RUNDC3B: variants seen among roughly 807,000 people sequenced by gnomAD.
RUNDC3B encodes RUN domain-containing protein 3B.
In RUNDC3B, 33 loss-of-function variants were observed where a neutral mutation model predicts 58.4. The observed-to-expected ratio is 0.56, with a 90% confidence interval of 0.43 to 0.75. The LOEUF is 0.75. Among genes scored for constraint, RUNDC3B ranks in the 30% least tolerant of loss-of-function variants. RUNDC3B has a pLI of 0.00. For synonymous variants in RUNDC3B, 193 were observed against 195.2 expected (o/e 0.99, Z 0.10); for missense variants, 501 against 535.7 (o/e 0.94, Z 0.64).
At chr7:87,786,074 TCAAA>T (rs1458635629) in intron 8 of RUNDC3B, among the ~76,000 whole-genome samples, 4 of 152,168 alleles carry the variant, frequency 2.6e-5, no homozygotes, top group Non-Finnish European at 5.9e-5. Flanking sequence ...GTGTTTTCTC[TCAAA>T]CAATCTGTTT....
At chr7:87,821,802 A>G (rs1837457851) in intron 10 of RUNDC3B, among the ~76,000 whole-genome samples, 2 of 152,342 alleles carry the variant, frequency 1.3e-5, no homozygotes, top group South Asian at 4.1e-4. Context: ...AGGATTCCCT[A>G]TTTAATAAAT....
rs1830740829 is a variant in RUNDC3B at position 87,719,471 on chromosome 7, G to T, written c.458+8816G>T. On this transcript the variant is annotated intron_variant, in intron 4 of 10. Transcript: ENST00000394654. ...ATAAACATATAAAAGTATACAAAAT[G>T]TACAAAAATACACAAGTAAATATAC... Among the ~76,000 whole-genome samples, 5 of 151,458 alleles carry T rather than the reference G, an allele frequency of 3.3e-5. No individual in the cohort carries two copies. The South Asian group carries it at 1.0e-3, about 32-fold the overall frequency.
intron 10 of RUNDC3B, among the ~76,000 whole-genome samples, chr7:87,829,383 T>C (rs1418201030): frequency 6.6e-6 from 1 of 152,088 alleles, no homozygotes; most frequent in African/African-American, 2.4e-5. Flanking sequence ...TCATAAATTC[T>C]TTTCCTTATG....
chr7:87,668,891 C>T (rs1189429696), intron 2 of RUNDC3B, among the ~76,000 whole-genome samples: 2 of 151,982 alleles, frequency 1.3e-5, no homozygotes, highest in African/African-American at 4.8e-5. Context: ...TTGTTTTATT[C>T]CAATTATTTG....
intron 9 of RUNDC3B, among the ~76,000 whole-genome samples, chr7:87,814,784 CTATAAGCATT>C (rs1295896511): frequency 6.6e-6 from 1 of 152,042 alleles, no homozygotes; most frequent in Non-Finnish European, 1.5e-5. Context: ...GACTTTAATA[CTATAAGCATT>C]TAAAAGTCAT....
chr7:87,773,269 G>A (rs559944781), intron 7 of RUNDC3B, among the ~76,000 whole-genome samples: 5 of 149,888 alleles, frequency 3.3e-5, no homozygotes, highest in Admixed American at 1.3e-4. Context: ...CTTGCAGTGA[G>A]CGGAGATCGC....
chr7:87,680,108 T>C (rs1429741333), intron 2 of RUNDC3B, among the ~76,000 whole-genome samples: 1 of 150,264 alleles, frequency 6.7e-6, no homozygotes. Flanking sequence ...CTTCCACTTA[T>C]GAGTGAGAAC....
intron 2 of RUNDC3B, among the ~76,000 whole-genome samples, chr7:87,682,865 C>T (rs571055533): frequency 5.9e-5 from 9 of 152,278 alleles, no homozygotes; most frequent in Admixed American, 5.2e-4. Context: ...AGCGTTAAAG[C>T]CAGGCATTAA....
intron 10 of RUNDC3B, among the ~76,000 whole-genome samples, chr7:87,818,632 T>G (rs905427306): frequency 2.0e-5 from 3 of 152,084 alleles, no homozygotes; most frequent in African/African-American, 7.2e-5. Context: ...TAAATAAACT[T>G]CAAATTGCCT....
intron 4 of RUNDC3B, among the ~76,000 whole-genome samples, chr7:87,715,268 T>G (rs1370232260): frequency 3.0e-5 from 4 of 132,406 alleles, no homozygotes; most frequent in East Asian, 2.1e-4. Context: ...TATAATTAAT[T>G]TATAATAATT....
At chr7:87,818,193 TTATAGG>T (rs905475847) in intron 10 of RUNDC3B, among the ~76,000 whole-genome samples, 3 of 152,180 alleles carry the variant, frequency 2.0e-5, no homozygotes, top group Non-Finnish European at 4.4e-5. Context: ...TAATTTTTAA[TTATAGG>T]TATTTTGATA....
intron 4 of RUNDC3B, among the ~76,000 whole-genome samples, chr7:87,719,789 CAT>C (rs1226668224): frequency 2.0e-5 from 3 of 151,554 alleles, no homozygotes; most frequent in Admixed American, 6.6e-5. Flanking sequence ...TTGAAAAAGA[CAT>C]AATTAAATCC....
chr7:87,696,927 A>T (rs1828542243), intron 2 of RUNDC3B, among the ~76,000 whole-genome samples: 1 of 152,176 alleles, frequency 6.6e-6, no homozygotes, highest in South Asian at 2.1e-4. Flanking sequence ...TTCTCTGCTT[A>T]ACCTAACTCT....
intron 4 of RUNDC3B, among the ~76,000 whole-genome samples, chr7:87,716,473 C>T (rs1464271753): frequency 6.6e-6 from 1 of 152,170 alleles, no homozygotes; most frequent in African/African-American, 2.4e-5. Flanking sequence ...TTAAATGTCT[C>T]CATTGCACCA....
chr7:87,633,490 T>C (rs184906348), intron 1 of RUNDC3B, among the ~76,000 whole-genome samples: 1 of 152,314 alleles, frequency 6.6e-6, no homozygotes, highest in Admixed American at 6.5e-5. Flanking sequence ...CAGAAGATTA[T>C]GTGTTTGGAG....
chr7:87,716,752 C>T (rs150515188), intron 4 of RUNDC3B, among the ~76,000 whole-genome samples: 2,930 of 152,244 alleles, frequency 0.019, 65 homozygotes, highest in Non-Finnish European at 0.032. Flanking sequence ...ACTGTTACAG[C>T]TGTACATGAT....
At chr7:87,705,389 G>A (rs889243811) in intron 3 of RUNDC3B, among the ~76,000 whole-genome samples, 11 of 152,164 alleles carry the variant, frequency 7.2e-5, no homozygotes, top group African/African-American at 1.4e-4. Context: ...TCATGCCATT[G>A]CACTGCAGCC....
intron 10 of RUNDC3B, among the ~76,000 whole-genome samples, chr7:87,820,921 A>C (rs564501300): frequency 4.6e-5 from 7 of 152,020 alleles, no homozygotes; most frequent in Non-Finnish European, 8.8e-5. Flanking sequence ...TGACAAACCC[A>C]CAGCCAATAT....
chr7:87,758,715 G>T (rs1288892310), intron 6 of RUNDC3B, among the ~76,000 whole-genome samples: 1 of 152,054 alleles, frequency 6.6e-6, no homozygotes, highest in Non-Finnish European at 1.5e-5. Context: ...TGGTTAACAG[G>T]TACGTGAAAA....
Sources: gnomAD v4.1 joint callset for allele counts (sites outside exome capture counted in the v4.1 genomes callset) on GRCh38, gnomAD v4.1.1 for gene constraint, MANE v1.5 for transcripts, NCBI Gene and HGNC (gene_info 2026-07-23, HGNC 2026-07-21) for gene names.